The following PRDM11 variants were observed in gnomAD, a reference collection of about 807,000 sequenced individuals.
The protein encoded by PRDM11 is PR/SET domain 11, also known as PR domain-containing protein 11.
In PRDM11, 20 loss-of-function variants were observed where a neutral mutation model predicts 97.8. The ratio of observed to expected loss-of-function variants is 0.20; its 90% confidence interval spans 0.14 to 0.30. The LOEUF is 0.30. Ranked by LOEUF, PRDM11 falls within the 10% of genes least tolerant of loss-of-function variation. The probability of loss-of-function intolerance (pLI) is 1.00; values close to 1 mark genes in which losing one functional copy is unlikely to be tolerated. For synonymous variants in PRDM11, 599 were observed against 637.7 expected (o/e 0.94, Z 0.91); for missense variants, 1,139 against 1,555.2 (o/e 0.73, Z 4.50).
At chr11:45,171,534 A>C in intron 1 of PRDM11, among the ~76,000 whole-genome samples, 1 of 151,940 alleles carries the variant, frequency 6.6e-6, no homozygotes, top group East Asian at 1.9e-4. Context: ...CTTAAGGGAG[A>C]GGGGTGGCTG....
intron 1 of PRDM11, among the ~76,000 whole-genome samples, chr11:45,140,476 A>G (rs1054441814): frequency 6.6e-6 from 1 of 152,200 alleles, no homozygotes; most frequent in Non-Finnish European, 1.5e-5. Context: ...ATATTCCCCT[A>G]TGGTGGGACT....
chr11:45,186,494 G>C (rs1033149073), intron 4 of PRDM11, among the ~76,000 whole-genome samples: 1 of 152,188 alleles, frequency 6.6e-6, no homozygotes, highest in Non-Finnish European at 1.5e-5. Flanking sequence ...TTGGGGAGGA[G>C]AGAAGAGGCA....
chr11:45,119,619 CAAAAAAAAAAAAAAAAAAA>C (rs56367204), intron 1 of PRDM11, among the ~76,000 whole-genome samples: 1 of 43,048 alleles, frequency 2.3e-5, no homozygotes, highest in African/African-American at 1.3e-4. Context: ...GATTCTGTCT[CAAAAAAAAAAAAAAAAAAA>C]AAAAAAAAAA....
intron 6 of PRDM11, among the ~76,000 whole-genome samples, chr11:45,221,825 A>G (rs899294960): frequency 2.0e-5 from 3 of 152,270 alleles, no homozygotes; most frequent in African/African-American, 4.8e-5. Context: ...GGGAATGGTC[A>G]TGGAGCTCAG....
chr11:45,194,323 C>T (rs1853023490), intron 4 of PRDM11, among the ~76,000 whole-genome samples: 1 of 152,098 alleles, frequency 6.6e-6, no homozygotes, highest in Non-Finnish European at 1.5e-5. Context: ...GTTTGAGAGA[C>T]ACTAATTTTT....
At chr11:45,159,497 G>A (rs946840420) in intron 1 of PRDM11, among the ~76,000 whole-genome samples, 3 of 152,218 alleles carry the variant, frequency 2.0e-5, no homozygotes, top group African/African-American at 4.8e-5. Context: ...CCCAGTTTGC[G>A]GATGAAGGAG....
chr11:45,217,931 T>C (rs965342060), intron 5 of PRDM11, among the ~76,000 whole-genome samples: 13 of 152,360 alleles, frequency 8.5e-5, no homozygotes, highest in Middle Eastern at 3.4e-3. Flanking sequence ...TAAGGGGTTG[T>C]CACTGTTAAA....
chr11:45,147,953 G>A (rs1565264317), intron 1 of PRDM11, among the ~76,000 whole-genome samples: 1 of 152,182 alleles, frequency 6.6e-6, no homozygotes, highest in Non-Finnish European at 1.5e-5. Flanking sequence ...AACTTTGGGG[G>A]TTTGGGGACA....
At chr11:45,113,405 T>A (rs1161122458) in intron 1 of PRDM11, among the ~76,000 whole-genome samples, 1 of 152,230 alleles carries the variant, frequency 6.6e-6, no homozygotes, top group Non-Finnish European at 1.5e-5. Context: ...AGATTTGTTC[T>A]TTTTGCTTAG....
At chr11:45,164,790 T>A (rs1183825296) in intron 1 of PRDM11, among the ~76,000 whole-genome samples, 3 of 152,178 alleles carry the variant, frequency 2.0e-5, no homozygotes, top group Non-Finnish European at 4.4e-5. Context: ...TGAGATCTGC[T>A]TGAATGCTTC....
chr11:45,186,642 T>C lies in PRDM11; in HGVS notation c.486+3519T>C, dbSNP rs1265718401. Reference sequence around the variant, plus strand: ...CTCATGGGCGGAAGCCAGATTGCCATGGATTAAGGTGTCAGTGGGAGGTGA... The same window carrying C: ...CTCATGGGCGGAAGCCAGATTGCCACGGATTAAGGTGTCAGTGGGAGGTGA... On this transcript the variant is annotated intron_variant, in intron 4 of 7. Coordinates refer to ENST00000683152, the MANE Select transcript of PRDM11 (RefSeq NM_001384648.1). 2.0e-5 allele frequency among the ~76,000 whole-genome samples: 3 copies of C among 152,180 alleles called. No individual in the cohort carries two copies. In the East Asian group the frequency reaches 5.8e-4, roughly 29 times the overall value.
At chr11:45,140,457 G>A (rs1852980654) in intron 1 of PRDM11, among the ~76,000 whole-genome samples, 2 of 152,180 alleles carry the variant, frequency 1.3e-5, no homozygotes, top group South Asian at 4.1e-4. Context: ...ACCATTTCTG[G>A]AATCAAGAAT....
rs1854435570 is a variant in PRDM11 at position 45,233,308 on chromosome 11, T to C, written c.*5149T>C. The stretch of plus-strand genomic sequence containing the variant: ...CTACCCGGAGTGTTGGAGAGGAGAG[T>C]GGCTGGGTCCCGGCTCGCTCCATGC... On this transcript the variant is annotated 3_prime_UTR_variant, in exon 8 of 8. Transcript: ENST00000683152. 1 of 151,288 alleles carries C rather than the reference T, an allele frequency of 6.6e-6. No individual in the cohort carries two copies. Among genetic ancestry groups the C allele is most frequent in the African/African-American group, 2.4e-5 (1 of 41,042 alleles). 9.4% of individuals were successfully genotyped at this position (151,288 alleles called of 1,614,324 possible).
chr11:45,225,234 T>A, intron 7 of PRDM11: 1 of 818,122 alleles, frequency 1.2e-6, no homozygotes. Flanking sequence ...CTTCCCTAAC[T>A]TAGTCCAGGA....
At chr11:45,096,019 C>T (rs1406027721) in intron 1 of PRDM11, 1 of 697,936 alleles carries the variant, frequency 1.4e-6, no homozygotes, top group Admixed American at 2.1e-5. Flanking sequence ...TTGTCATCTT[C>T]TCATTAAAGC....
intron 5 of PRDM11, among the ~76,000 whole-genome samples, chr11:45,211,511 G>C (rs1461876273): frequency 6.6e-6 from 1 of 152,198 alleles, no homozygotes; most frequent in African/African-American, 2.4e-5. Flanking sequence ...CGGCTGCAAG[G>C]AGCAGTCTGT....
upstream of PRDM11, among the ~76,000 whole-genome samples, chr11:45,141,805 C>T (rs193038780): frequency 2.1e-3 from 316 of 152,294 alleles, 3 homozygotes; most frequent in Admixed American, 0.021. Flanking sequence ...ATCTCTAGCT[C>T]CCAATTCAAA....
chr11:45,135,151 C>CTCTCTCTCT, intron 1 of PRDM11, among the ~76,000 whole-genome samples: 1 of 150,898 alleles, frequency 6.6e-6, no homozygotes, highest in African/African-American at 2.4e-5. Flanking sequence ...CTCTCTCTCT[C>CTCTCTCTCT]CTACTAAAAT....
chr11:45,198,725 A>C (rs556619001), intron 4 of PRDM11, among the ~76,000 whole-genome samples: 2 of 152,338 alleles, frequency 1.3e-5, no homozygotes, highest in Admixed American at 6.5e-5. Flanking sequence ...CAAAGCTGGA[A>C]GTTCAGAGAG....
Sources: gnomAD v4.1 joint callset for allele counts (sites outside exome capture counted in the v4.1 genomes callset) on GRCh38, gnomAD v4.1.1 for gene constraint, MANE v1.5 for transcripts, NCBI Gene and HGNC (gene_info 2026-07-23, HGNC 2026-07-21) for gene names.